Variants in HGSNAT observed in about 807,000 individuals in gnomAD.
The protein encoded by HGSNAT is transmembrane protein 76.
In HGSNAT, 59 loss-of-function variants were observed where a neutral mutation model predicts 85.2. The ratio of observed to expected loss-of-function variants is 0.69; its 90% confidence interval spans 0.56 to 0.86. The LOEUF (loss-of-function observed/expected upper bound fraction) is 0.86, where lower values mean the gene tolerates loss of function less well. Ranked by LOEUF, HGSNAT falls within the 40% of genes least tolerant of loss-of-function variation. The pLI is 0.00. For synonymous variants in HGSNAT, 321 were observed against 304.5 expected (o/e 1.05, Z -0.56); for missense variants, 756 against 777.1 (o/e 0.97, Z 0.32).
At chr8:43,197,367 G>A (rs1007626404) in intron 15 of HGSNAT, 1 of 533,368 alleles carries the variant, frequency 1.9e-6, no homozygotes, top group East Asian at 3.2e-5. Flanking sequence ...ATGGGAAAGA[G>A]AGTTGCAAGG....
Position 43,199,500 on chromosome 8 carries a change from C to T in HGSNAT, c.1839C>T (p.Ile613=), listed in dbSNP as rs772611068. ...QSHKEHLTQN[I]VATALWVLIA... ...ACAAGGAGCACCTGACTCAGAACAT[C>T]GTCGCCACTGCCCTCTGGGTGCTCA... is the stretch of plus-strand genomic sequence containing the variant. Residue 613 remains isoleucine, a synonymous_variant, in exon 18 of 18, where the codon ATC becomes ATT. Transcript: ENST00000379644. 2.2e-5 allele frequency: 35 copies of T among 1,611,524 alleles called. No individual in the cohort carries two copies. The highest frequency in any genetic ancestry group is 8.9e-5 in the East Asian group (4 of 44,814).
rs1204102841 is a variant in HGSNAT at position 43,140,468 on chromosome 8, A to AG, written c.-27dup. ...CAGCGCAGGGCGGGGCGCAGCGGGC[A>AG]GGCAAGGGCGGCCGAGCGGGCGGCG... On this transcript the variant is annotated 5_prime_UTR_variant, in exon 1 of 18. Transcript: ENST00000379644. 3.3e-6 allele frequency: 3 copies of AG among 921,914 alleles called. No homozygotes were observed. Among genetic ancestry groups the AG allele is most frequent in the Non-Finnish European group, 3.9e-6 (3 of 771,044 alleles). The allele number at this position is 921,914 out of a possible 1,614,324, so 57.1% of individuals were successfully genotyped here.
chr8:43,183,133 T>C (rs1804188578), intron 11 of HGSNAT, among the ~76,000 whole-genome samples: 1 of 152,212 alleles, frequency 6.6e-6, no homozygotes, highest in South Asian at 2.1e-4. Context: ...GTCAGGAACA[T>C]GCACAATCCT....
At chr8:43,156,024 G>A (rs1267797915) in intron 2 of HGSNAT, among the ~76,000 whole-genome samples, 1 of 151,796 alleles carries the variant, frequency 6.6e-6, no homozygotes, top group Non-Finnish European at 1.5e-5. Context: ...ATTTTTAGTA[G>A]ATATGGGGTT....
intron 2 of HGSNAT, among the ~76,000 whole-genome samples, chr8:43,149,792 C>G (rs1025092336): frequency 2.6e-5 from 4 of 151,734 alleles, no homozygotes; most frequent in African/African-American, 9.7e-5. Context: ...TAACTTCATA[C>G]ATTTAGTAAA....
intron 5 of HGSNAT, among the ~76,000 whole-genome samples, chr8:43,165,468 G>T (rs2130732881): frequency 6.6e-6 from 1 of 152,296 alleles, no homozygotes; most frequent in East Asian, 1.9e-4. Context: ...AAAAGAAAGA[G>T]TTGCATGTCT....
rs1435420813 is a variant in HGSNAT at position 43,201,866 on chromosome 8, AG to A, written c.*2298del. 2.0e-5 allele frequency: 3 copies of A among 152,230 alleles called. No homozygotes were observed. Among genetic ancestry groups the A allele is most frequent in the African/African-American group, 7.2e-5 (3 of 41,446 alleles). 9.4% of individuals were successfully genotyped at this position (152,230 alleles called of 1,614,324 possible). A position where few individuals can be genotyped will look rare whatever the true frequency, so the allele number is the denominator to read the frequency against. On this transcript the variant is annotated 3_prime_UTR_variant, in exon 18 of 18. Transcript: ENST00000379644. This position sits in a 1 kb window ranked among gnomAD's most constrained non-coding sequence, Gnocchi z 4.4. ...TAAAATAAATATTTAAGTGCTGGTAAGATGAGCATGTATCCGGGGTGCCCAT... is the reference window on the plus strand; with the variant it reads ...TAAAATAAATATTTAAGTGCTGGTAAATGAGCATGTATCCGGGGTGCCCAT...
chr8:43,195,942 C>T (rs1375641894), intron 14 of HGSNAT: 1 of 159,114 alleles, frequency 6.3e-6, no homozygotes, highest in Non-Finnish European at 1.4e-5. Flanking sequence ...AGAAATACGG[C>T]CTTTATCTCT....
At chr8:43,189,690 C>G (rs951910211) in intron 11 of HGSNAT, among the ~76,000 whole-genome samples, 1 of 152,202 alleles carries the variant, frequency 6.6e-6, no homozygotes, top group Non-Finnish European at 1.5e-5. Context: ...TCTTCTGCGT[C>G]GCTCACACTG....
chr8:43,161,467 G>C lies in HGSNAT; in HGVS notation c.523G>C (p.Ala175Pro). ...PVSIAFLIGLAVIIVISFLRL... is the reference protein window; with the variant it reads ...PVSIAFLIGLPVIIVISFLRL... ...GAGCATTGCATTCCTTATTGGTCTTGCTGTCATCATTGTGATATCCTTTCT... is the reference window on the plus strand; with the variant it reads ...GAGCATTGCATTCCTTATTGGTCTTCCTGTCATCATTGTGATATCCTTTCT... Residue 175 changes from alanine (A) to proline (P), a missense_variant, in exon 5 of 18, where the codon GCT becomes CCT. Transcript: ENST00000379644. 6.2e-7 allele frequency: 1 copy of C among 1,611,654 alleles called. No homozygotes were observed. The highest frequency in any genetic ancestry group is 8.5e-7 in the Non-Finnish European group (1 of 1,178,778).
intron 5 of HGSNAT, among the ~76,000 whole-genome samples, chr8:43,163,106 G>C (rs1352267522): frequency 6.6e-6 from 1 of 152,116 alleles, no homozygotes; most frequent in Non-Finnish European, 1.5e-5. Context: ...AATGGCTTGA[G>C]GTTGCAGTGA....
chr8:43,173,668 T>G (rs1451194332), intron 8 of HGSNAT, 45 bp from the exon 9 acceptor site: 2 of 1,601,844 alleles, frequency 1.2e-6, no homozygotes, highest in Non-Finnish European at 1.7e-6. Context: ...AGGAGGTATT[T>G]GTATTCTAGA....
At chr8:43,195,322 A>C (rs1029372571) in intron 14 of HGSNAT, among the ~76,000 whole-genome samples, 2 of 152,160 alleles carry the variant, frequency 1.3e-5, no homozygotes, top group African/African-American at 4.8e-5. Context: ...ATTTTATATA[A>C]ATATTATATA....
intron 9 of HGSNAT, among the ~76,000 whole-genome samples, chr8:43,175,797 C>T (rs1194319731): frequency 6.6e-6 from 1 of 151,910 alleles, no homozygotes; most frequent in African/African-American, 2.4e-5. Flanking sequence ...GAACTCCTGA[C>T]CTCAGGTAAT....
intron 2 of HGSNAT, among the ~76,000 whole-genome samples, chr8:43,150,813 G>A (rs1469651917): frequency 1.3e-5 from 2 of 149,384 alleles, no homozygotes; most frequent in African/African-American, 2.5e-5. Context: ...CAGCCTGGGT[G>A]ACAGAGCGAG....
At chr8:43,175,006 T>C (rs1803760079) in intron 9 of HGSNAT, among the ~76,000 whole-genome samples, 1 of 15,338 alleles carries the variant, frequency 6.5e-5, no homozygotes, top group Non-Finnish European at 3.3e-4. Flanking sequence ...GAACATGGCT[T>C]ATTTCACTTA....
chr8:43,154,583 C>G (rs868652807), intron 2 of HGSNAT, among the ~76,000 whole-genome samples: 5 of 152,124 alleles, frequency 3.3e-5, no homozygotes, highest in Non-Finnish European at 7.3e-5. Context: ...TTTTCTTAAT[C>G]CAGTCTATCA....
chr8:43,141,288 A>AGCCGCC (rs545919735), intron 1 of HGSNAT, among the ~76,000 whole-genome samples: 2,736 of 151,820 alleles, frequency 0.018, 68 homozygotes, highest in African/African-American at 0.058. Flanking sequence ...GTGACTGGGA[A>AGCCGCC]GCCGCCGCCG....
intron 1 of HGSNAT, among the ~76,000 whole-genome samples, chr8:43,145,235 TCCCACCAC>T (rs1802673892): frequency 6.6e-6 from 1 of 152,146 alleles, no homozygotes; most frequent in Non-Finnish European, 1.5e-5. Flanking sequence ...ATGAAAGCCC[TCCCACCAC>T]CCTGCGTGCT....
Sources: gnomAD v4.1 joint callset for allele counts (sites outside exome capture counted in the v4.1 genomes callset) on GRCh38, gnomAD v4.1.1 for gene constraint, Gnocchi (gnomAD v3.1) non-coding constraint, MANE v1.5 for transcripts, NCBI Gene and HGNC (gene_info 2026-07-23, HGNC 2026-07-21) for gene names.